The following NCKAP5 variants were observed in gnomAD, a reference collection of about 807,000 sequenced individuals.
The protein encoded by NCKAP5 is NCK associated protein 5.
Under a neutral mutation model 167.0 loss-of-function variants are expected in NCKAP5, and 92 were observed. The ratio of observed to expected loss-of-function variants is 0.55; its 90% confidence interval spans 0.47 to 0.66. NCKAP5 has a LOEUF of 0.66. NCKAP5 is among the 30% of genes least tolerant of loss of function. NCKAP5 has a pLI of 0.00. For missense variants in NCKAP5, 2,378 were observed against 2,315.0 expected, an observed-to-expected ratio of 1.03 and a Z score of -0.56; for synonymous variants, 891 against 877.4, an observed-to-expected ratio of 1.02 and a Z score of -0.27.
chr2:133,303,514 T>C (rs1417067377), intron 3 of NCKAP5, among the ~76,000 whole-genome samples: 1 of 152,298 alleles, frequency 6.6e-6, no homozygotes, highest in East Asian at 1.9e-4. Flanking sequence ...AAAAGTAATG[T>C]TTTCAAACTA....
intron 5 of NCKAP5, among the ~76,000 whole-genome samples, chr2:133,162,963 T>C (rs1224033874): frequency 6.6e-6 from 1 of 152,180 alleles, no homozygotes; most frequent in Admixed American, 6.5e-5. Context: ...ACTAGGATGA[T>C]GCTTTCACCT....
intron 8 of NCKAP5, among the ~76,000 whole-genome samples, chr2:132,888,498 T>G (rs886565280): frequency 2.0e-5 from 3 of 152,130 alleles, no homozygotes; most frequent in African/African-American, 7.2e-5. Context: ...AAGCAATTTC[T>G]CCCACCTCAG....
At chr2:133,469,191 T>C (rs537368209) in intron 3 of NCKAP5, among the ~76,000 whole-genome samples, 7 of 152,232 alleles carry the variant, frequency 4.6e-5, no homozygotes, top group African/African-American at 1.4e-4. Flanking sequence ...CAGGAGCTCT[T>C]TTAGGGCAGG....
intron 9 of NCKAP5, among the ~76,000 whole-genome samples, chr2:132,876,877 T>TA (rs1691324923): frequency 6.6e-6 from 1 of 152,204 alleles, no homozygotes; most frequent in Admixed American, 6.5e-5. Context: ...ACACACAAAA[T>TA]ACAGACTATG....
intron 8 of NCKAP5, among the ~76,000 whole-genome samples, chr2:132,909,516 A>G (rs1358978925): frequency 6.6e-6 from 1 of 152,164 alleles, no homozygotes; most frequent in African/African-American, 2.4e-5. Flanking sequence ...AGACGGTATT[A>G]TCTTCTATAT....
At chr2:132,834,907 C>T (rs531624597) in intron 11 of NCKAP5, among the ~76,000 whole-genome samples, 12 of 152,228 alleles carry the variant, frequency 7.9e-5, no homozygotes, top group South Asian at 6.2e-4. Context: ...TTAGAGAAAA[C>T]GCTTTTAACT....
the NCKAP5 span, among the ~76,000 whole-genome samples, chr2:133,647,575 G>A: frequency 2.1e-5 from 3 of 143,202 alleles, no homozygotes; most frequent in Admixed American, 2.1e-4. Context: ...AAGGAAGAAA[G>A]GGAGACAGAT....
chr2:133,348,400 T>C (rs1311322670), intron 3 of NCKAP5, among the ~76,000 whole-genome samples: 2 of 152,182 alleles, frequency 1.3e-5, no homozygotes, highest in African/African-American at 4.8e-5. Context: ...TCCAATATTA[T>C]ACATCACTAT....
chr2:133,338,542 T>A (rs1683363925), intron 3 of NCKAP5, among the ~76,000 whole-genome samples: 2 of 152,180 alleles, frequency 1.3e-5, no homozygotes, highest in South Asian at 4.1e-4. Flanking sequence ...ACAATGAGTA[T>A]CAGGTTCTTT....
chr2:132,991,105 A>C (rs1429372160), intron 7 of NCKAP5, among the ~76,000 whole-genome samples: 1 of 152,124 alleles, frequency 6.6e-6, no homozygotes, highest in Non-Finnish European at 1.5e-5. Flanking sequence ...AATCAGACTG[A>C]CCAGGGTTCA....
At chr2:133,057,392 CA>C (rs2079841195) in intron 6 of NCKAP5, among the ~76,000 whole-genome samples, 1 of 152,140 alleles carries the variant, frequency 6.6e-6, no homozygotes, top group Non-Finnish European at 1.5e-5. Flanking sequence ...CCTCTTGCAC[CA>C]AACAGGTAGC....
chr2:133,552,421 A>T (rs1687399212), intron 2 of NCKAP5, among the ~76,000 whole-genome samples: 1 of 145,328 alleles, frequency 6.9e-6, no homozygotes, highest in African/African-American at 2.6e-5. Context: ...AGCCATAAAA[A>T]ATGATGAGTT....
intron 19 of NCKAP5, among the ~76,000 whole-genome samples, chr2:132,684,968 A>G (rs952569174): frequency 3.3e-5 from 5 of 152,212 alleles, no homozygotes; most frequent in Non-Finnish European, 7.3e-5. Context: ...TGGGGGTAAC[A>G]GGCGGACTGC....
At chr2:132,937,361 G>A (rs1696933285) in intron 8 of NCKAP5, among the ~76,000 whole-genome samples, 2 of 152,158 alleles carry the variant, frequency 1.3e-5, no homozygotes, top group African/African-American at 4.8e-5. Flanking sequence ...TTTACTAACT[G>A]TGTTCATTCA....
chr2:132,717,515 A>G (rs1242004367), intron 19 of NCKAP5, among the ~76,000 whole-genome samples: 1 of 152,220 alleles, frequency 6.6e-6, no homozygotes, highest in Non-Finnish European at 1.5e-5. Flanking sequence ...ATTAATAGCC[A>G]AAGTCCTTGG....
the NCKAP5 span, chr2:133,595,953 G>GTACATAA: frequency 6.6e-6 from 1 of 152,128 alleles, no homozygotes; most frequent in African/African-American, 2.4e-5. Context: ...AAATCATAAT[G>GTACATAA]TGATTATTAT....
At chr2:132,764,129 A>G (rs1033325750) in intron 16 of NCKAP5, among the ~76,000 whole-genome samples, 2 of 152,194 alleles carry the variant, frequency 1.3e-5, no homozygotes, top group African/African-American at 4.8e-5. Flanking sequence ...AACATCCACC[A>G]AAGCTTTATT....
At chr2:133,201,429 AT>A (rs1240610423) in intron 5 of NCKAP5, among the ~76,000 whole-genome samples, 1 of 152,200 alleles carries the variant, frequency 6.6e-6, no homozygotes, top group Non-Finnish European at 1.5e-5. Context: ...TCTCAAAAAC[AT>A]TAGGTTGAAG....
chr2:132,861,613 C>A (rs1224439257), intron 10 of NCKAP5, among the ~76,000 whole-genome samples: 14 of 152,124 alleles, frequency 9.2e-5, no homozygotes, highest in African/African-American at 3.1e-4. Context: ...TCCACTGCCA[C>A]TTTTCCTTCT....
Sources: gnomAD v4.1 joint callset for allele counts (sites outside exome capture counted in the v4.1 genomes callset) on GRCh38, gnomAD v4.1.1 for gene constraint, MANE v1.5 for transcripts, NCBI Gene and HGNC (gene_info 2026-07-23, HGNC 2026-07-21) for gene names.